Variants in OTUD7A observed in about 807,000 individuals in gnomAD.
OTUD7A encodes OTU deubiquitinase 7A.
A neutral mutation model predicts 65.7 loss-of-function variants in OTUD7A; 12 were observed. That is an observed-to-expected ratio of 0.18 (90% confidence interval 0.12 to 0.30). OTUD7A has a LOEUF of 0.30. OTUD7A is among the 10% of genes least tolerant of loss of function. The pLI, the probability that OTUD7A is intolerant of heterozygous loss-of-function variation, is 1.00. For synonymous variants in OTUD7A, 641 were observed against 586.3 expected (o/e 1.09, Z -1.35); for missense variants, 1,148 against 1,304.8 (o/e 0.88, Z 1.85).
At chr15:31,716,870 C>T (rs1175127217) in intron 1 of OTUD7A, among the ~76,000 whole-genome samples, 2 of 152,212 alleles carry the variant, frequency 1.3e-5, no homozygotes, top group Admixed American at 6.5e-5. Flanking sequence ...AAGCCTGTGG[C>T]CTGTGGGGCC....
chr15:31,696,838 T>C (rs560884336), intron 1 of OTUD7A, among the ~76,000 whole-genome samples: 12 of 149,604 alleles, frequency 8.0e-5, no homozygotes, highest in Non-Finnish European at 1.6e-4. Flanking sequence ...GAGAGGAAAA[T>C]AGAGGAGGAG....
intron 3 of OTUD7A, among the ~76,000 whole-genome samples, chr15:31,594,071 A>C (rs1387332036): frequency 1.3e-5 from 2 of 152,212 alleles, no homozygotes; most frequent in Non-Finnish European, 2.9e-5. Flanking sequence ...AATGGTTCTT[A>C]AAAAGGAATT....
At position 31,484,779 on chromosome 15, in the gene OTUD7A, G is replaced by C; in HGVS notation, c.1372-55C>G. 1 of 1,555,796 alleles carries C rather than the reference G, an allele frequency of 6.4e-7. No individual in the cohort carries two copies. The highest frequency in any genetic ancestry group is 8.6e-7 in the Non-Finnish European group (1 of 1,156,174). On this transcript the variant is annotated intron_variant, in intron 12 of 12. Transcript: ENST00000307050. This position sits in a 1 kb window ranked among gnomAD's most constrained non-coding sequence, Gnocchi z 4.5. ...GTGGTTAGAGAAGAGCTGTCCACGCGCCAGCGAGGAAGACACACCTTGCCC... is the reference window on the plus strand; with the variant it reads ...GTGGTTAGAGAAGAGCTGTCCACGCCCCAGCGAGGAAGACACACCTTGCCC...
chr15:31,850,589 A>G (rs1264671370), intron 1 of OTUD7A, among the ~76,000 whole-genome samples: 1 of 152,188 alleles, frequency 6.6e-6, no homozygotes, highest in East Asian at 1.9e-4. Flanking sequence ...AAAGAAAAAG[A>G]AATAGGCCTG....
At chr15:31,730,879 T>C (rs1894023101) in intron 1 of OTUD7A, among the ~76,000 whole-genome samples, 1 of 152,180 alleles carries the variant, frequency 6.6e-6, no homozygotes, top group Admixed American at 6.5e-5. Flanking sequence ...GGAGGACCAT[T>C]GATAGTTCAA....
intron 1 of OTUD7A, among the ~76,000 whole-genome samples, chr15:31,779,012 T>C (rs1048709811): frequency 6.6e-6 from 1 of 152,218 alleles, no homozygotes; most frequent in African/African-American, 2.4e-5. Flanking sequence ...GAATAAATTC[T>C]ACTTGATGAA....
intron 3 of OTUD7A, among the ~76,000 whole-genome samples, chr15:31,589,303 GT>G (rs36091159): frequency 0.31 from 43,717 of 141,050 alleles, 8,041 homozygotes; most frequent in African/African-American, 0.54. Flanking sequence ...GTTTTTCTGG[GT>G]TTTTTTTTTT....
chr15:31,695,211 G>A (rs964599231), intron 1 of OTUD7A, among the ~76,000 whole-genome samples: 5 of 109,504 alleles, frequency 4.6e-5, no homozygotes, highest in African/African-American at 1.0e-4. Context: ...CTTGGCTATT[G>A]TGGATAGAGT....
At chr15:31,736,164 A>G (rs912246202) in intron 1 of OTUD7A, among the ~76,000 whole-genome samples, 3 of 152,188 alleles carry the variant, frequency 2.0e-5, no homozygotes, top group Non-Finnish European at 4.4e-5. Flanking sequence ...CCCCCACAAC[A>G]CAAGTTTACC....
intron 1 of OTUD7A, among the ~76,000 whole-genome samples, chr15:31,853,114 C>T (rs912703836): frequency 6.6e-6 from 1 of 152,186 alleles, no homozygotes; most frequent in African/African-American, 2.4e-5. Flanking sequence ...AATAAAAGAG[C>T]CTTTGTGAAG....
At position 31,699,370 on chromosome 15, in the gene OTUD7A, C is replaced by T. The variant is rs1027084408; in HGVS notation, c.-99-42293G>A. Among the ~76,000 whole-genome samples the T allele has an allele frequency of 3.3e-5, 5 of 152,286 alleles. No homozygotes were observed. The South Asian group carries it at 8.3e-4, about 25-fold the overall frequency. On this transcript the variant is annotated intron_variant, in intron 1 of 12. Coordinates refer to ENST00000307050, the MANE Select transcript of OTUD7A (RefSeq NM_001382637.1). ...CTGGGATTACTGGCGTGAGCCATCACGCTCAGCCAATACTGTTGTTTTTAC... is the reference window on the plus strand; with the variant it reads ...CTGGGATTACTGGCGTGAGCCATCATGCTCAGCCAATACTGTTGTTTTTAC...
intron 1 of OTUD7A, among the ~76,000 whole-genome samples, chr15:31,867,083 GA>G (rs1897895845): frequency 6.6e-6 from 1 of 152,092 alleles, no homozygotes; most frequent in Non-Finnish European, 1.5e-5. Flanking sequence ...CTAAGCATGG[GA>G]AACACCCATC....
In OTUD7A at chr15:31,718,463, T is replaced by C. The variant is rs55711936; in HGVS notation, c.-99-61386A>G. On this transcript the variant is annotated intron_variant, in intron 1 of 12. Transcript: ENST00000307050. ...CCATTTCTTTCTTTTAATACAAACA[T>C]ATGCATTTTTCTTAAGAATCATCAC... 7.3e-3 allele frequency among the ~76,000 whole-genome samples: 1,109 copies of C among 152,042 alleles called. 11 individuals are homozygous for C. Among genetic ancestry groups the C allele is most frequent in the African/African-American group, 0.025 (1,048 of 41,516 alleles).
chr15:31,530,576 C>T (rs942929326), intron 6 of OTUD7A, 131 bp downstream of exon 6: 6 of 809,338 alleles, frequency 7.4e-6, no homozygotes, highest in Non-Finnish European at 1.1e-5. Context: ...TGGGGACTTT[C>T]TCATGACAGT....
intron 1 of OTUD7A, among the ~76,000 whole-genome samples, chr15:31,819,424 T>C (rs148388040): frequency 7.4e-4 from 113 of 152,230 alleles, no homozygotes; most frequent in African/African-American, 2.1e-3. Flanking sequence ...AACCAAAAAG[T>C]AAAAAAATGT....
intron 1 of OTUD7A, among the ~76,000 whole-genome samples, chr15:31,690,028 T>C (rs1174459201): frequency 6.6e-6 from 1 of 152,234 alleles, no homozygotes; most frequent in East Asian, 1.9e-4. Context: ...ATTTATTTTA[T>C]CTAATAACTT....
intron 1 of OTUD7A, among the ~76,000 whole-genome samples, chr15:31,828,308 T>C (rs1179162523): frequency 6.6e-6 from 1 of 152,216 alleles, no homozygotes. Context: ...TGTTAGTATT[T>C]TCTTTTTTAA....
At chr15:31,507,976 G>C (rs2041608463) in intron 8 of OTUD7A, among the ~76,000 whole-genome samples, 1 of 152,138 alleles carries the variant, frequency 6.6e-6, no homozygotes, top group Admixed American at 6.5e-5. Flanking sequence ...GTGTTAATTA[G>C]AGGGCCAGGA....
At chr15:31,652,264 G>C (rs1337842103) in intron 3 of OTUD7A, among the ~76,000 whole-genome samples, 1 of 152,174 alleles carries the variant, frequency 6.6e-6, no homozygotes, top group Non-Finnish European at 1.5e-5. Context: ...TTCTATAAAT[G>C]ATGTTGAAAC....
Sources: allele counts gnomAD v4.1 joint callset (sites outside exome capture counted in the v4.1 genomes callset), GRCh38; gene constraint gnomAD v4.1.1; non-coding constraint Gnocchi (gnomAD v3.1); transcripts MANE v1.5; gene names NCBI Gene and HGNC (gene_info 2026-07-23, HGNC 2026-07-21).